Variants in EBF1 observed in about 807,000 individuals in gnomAD.
The protein encoded by EBF1 is transcription factor COE1.
In EBF1, 10 loss-of-function variants were observed where a neutral mutation model predicts 68.4. That is an observed-to-expected ratio of 0.15 (90% CI 0.09 to 0.25). EBF1 has a LOEUF of 0.25. EBF1 is among the 10% of genes least tolerant of loss of function. The probability of loss-of-function intolerance (pLI) is 1.00; values close to 1 mark genes in which losing one functional copy is unlikely to be tolerated. For missense variants in EBF1, 509 were observed against 794.4 expected (o/e 0.64, Z 4.32); for synonymous variants, 298 against 299.8 (o/e 0.99, Z 0.06).
At chr5:158,704,529 A>G (rs1757449683) in intron 15 of EBF1, among the ~76,000 whole-genome samples, 1 of 152,220 alleles carries the variant, frequency 6.6e-6, no homozygotes, top group Non-Finnish European at 1.5e-5. Flanking sequence ...GTGGGTCCCA[A>G]TGAAGTAGGT....
chr5:158,785,769 C>T (rs190957411), intron 9 of EBF1, among the ~76,000 whole-genome samples: 6 of 152,228 alleles, frequency 3.9e-5, no homozygotes, highest in Admixed American at 3.9e-4. Context: ...AAATGGGGGA[C>T]TTAAAATCTA....
rs183087239 is a variant in EBF1, at chr5:158,902,897, C to A, written c.555-62787G>T. 1.3e-5 allele frequency among the ~76,000 whole-genome samples: 2 copies of A among 151,988 alleles called. 1 individual carries two copies. The highest frequency in any genetic ancestry group is 4.8e-5 in the African/African-American group (2 of 41,378). Reference sequence around the variant, plus strand: ...GACAGGAAAGGTTCTTTGACAGGTGCGGTTAGAGACTTTGCTGGGTAGAGC... The same window carrying A: ...GACAGGAAAGGTTCTTTGACAGGTGAGGTTAGAGACTTTGCTGGGTAGAGC... On this transcript the variant is annotated intron_variant, in intron 6 of 15. Transcript: ENST00000313708.
At chr5:158,699,262 C>T in intron 15 of EBF1, 120 bp from the exon 16 acceptor site, 5 of 966,276 alleles carry the variant, frequency 5.2e-6, no homozygotes, top group Non-Finnish European at 7.5e-6. Context: ...GACTATTAGC[C>T]ACAAATTTGC....
Position 158,921,210 on chromosome 5 carries a change from G to A in EBF1, c.555-81100C>T, listed in dbSNP as rs145472201. ...GAACCCAGCAAGGGTGATGAGCTTC[G>A]TTTCGCCTATGTTAGCCCTTAATCC... On this transcript the variant is annotated intron_variant, in intron 6 of 15. Transcript: ENST00000313708. Among the ~76,000 whole-genome samples the A allele has an allele frequency of 1.3e-4, 19 of 151,820 alleles. No individual in the cohort carries two copies. In the East Asian group the frequency reaches 1.5e-3, roughly 12 times the overall value.
At chr5:158,775,147 C>CT (rs1312573531) in intron 10 of EBF1, among the ~76,000 whole-genome samples, 1 of 151,916 alleles carries the variant, frequency 6.6e-6, no homozygotes, top group East Asian at 1.9e-4. Flanking sequence ...AAATCCAACA[C>CT]TTTTTTCTTA....
intron 6 of EBF1, among the ~76,000 whole-genome samples, chr5:158,944,301 G>C (rs1814169708): frequency 6.6e-6 from 1 of 152,002 alleles, no homozygotes; most frequent in Non-Finnish European, 1.5e-5. Flanking sequence ...TCCCAAGTAT[G>C]AGTGAGAACA....
chr5:158,789,420 T>C (rs1339175899), intron 9 of EBF1, among the ~76,000 whole-genome samples: 1 of 152,216 alleles, frequency 6.6e-6, no homozygotes, highest in African/African-American at 2.4e-5. Context: ...AGTGGAGCTG[T>C]ATCTCACATA....
chr5:158,966,977 G>A lies in EBF1; in HGVS notation c.554+106419C>T, dbSNP rs1583531065. 2.0e-5 allele frequency among the ~76,000 whole-genome samples: 3 copies of A among 152,268 alleles called. No homozygotes were observed. The South Asian group carries it at 6.2e-4, about 32-fold the overall frequency. ...AGTATATGATAAAGGAACATAATGG[G>A]ATGGTGCTGTTAATATGCTCAGGGT... On this transcript the variant is annotated intron_variant, in intron 6 of 15. Coordinates refer to ENST00000313708, the MANE Select transcript of EBF1 (RefSeq NM_024007.5).
At position 158,984,264 on chromosome 5, in the gene EBF1, C is replaced by A. The variant is rs531172845; in HGVS notation, c.554+89132G>T. ...TCTCACCTGATTTGAAAATTGATTT[C>A]TATGGTGCTGTTCATGATTAGTTCA... On this transcript the variant is annotated intron_variant, in intron 6 of 15. Coordinates refer to ENST00000313708, the MANE Select transcript of EBF1 (RefSeq NM_024007.5). Among the ~76,000 whole-genome samples, 88 of 152,260 alleles carry A rather than the reference C, an allele frequency of 5.8e-4. 1 individual carries two copies. The highest frequency in any genetic ancestry group is 5.8e-3 in the Admixed American group (88 of 15,290).
intron 4 of EBF1, among the ~76,000 whole-genome samples, chr5:159,093,590 C>G (rs1029386915): frequency 6.6e-6 from 1 of 152,012 alleles, no homozygotes; most frequent in African/African-American, 2.4e-5. Context: ...TGCAGTTTTT[C>G]TTAAGCTCTA....
chr5:158,823,418 G>T (rs1168096047), intron 7 of EBF1, 101 bp from the exon 8 acceptor site: 3 of 1,140,962 alleles, frequency 2.6e-6, no homozygotes, highest in African/African-American at 1.6e-5. Flanking sequence ...GAAGAAAATT[G>T]CATAGCTATT....
At chr5:158,894,981 A>G (rs1223649269) in intron 6 of EBF1, among the ~76,000 whole-genome samples, 3 of 152,228 alleles carry the variant, frequency 2.0e-5, no homozygotes, top group African/African-American at 7.2e-5. Flanking sequence ...ATTATGTAAC[A>G]ACCCATCAGT....
intron 6 of EBF1, among the ~76,000 whole-genome samples, chr5:158,943,175 A>C (rs1813850571): frequency 6.6e-6 from 1 of 152,170 alleles, no homozygotes; most frequent in African/African-American, 2.4e-5. Context: ...TCTGTCTTTC[A>C]GGAGGTCACA....
At chr5:158,985,771 C>T (rs1423374561) in intron 6 of EBF1, 1 of 152,230 alleles carries the variant, frequency 6.6e-6, no homozygotes, top group South Asian at 2.1e-4. Flanking sequence ...GCCATTAAAG[C>T]AGAGGCATCA....
intron 6 of EBF1, among the ~76,000 whole-genome samples, chr5:159,054,833 C>A (rs1405028947): frequency 6.6e-6 from 1 of 152,242 alleles, no homozygotes; most frequent in Non-Finnish European, 1.5e-5. Context: ...CCTCTGCCCA[C>A]AACCTTTTGG....
intron 4 of EBF1, among the ~76,000 whole-genome samples, chr5:159,088,535 T>G (rs1164984536): frequency 6.6e-6 from 1 of 152,172 alleles, no homozygotes; most frequent in Non-Finnish European, 1.5e-5. Flanking sequence ...TAAAGCTGGT[T>G]GGGGTTGGAT....
chr5:158,963,675 G>C (rs1283879340), intron 6 of EBF1, among the ~76,000 whole-genome samples: 2 of 152,116 alleles, frequency 1.3e-5, no homozygotes, highest in African/African-American at 4.8e-5. Context: ...AAAAAACAAA[G>C]ATATTAAATC....
chr5:158,703,163 T>C (rs1471548915), intron 15 of EBF1, among the ~76,000 whole-genome samples: 2 of 152,054 alleles, frequency 1.3e-5, no homozygotes, highest in Non-Finnish European at 1.5e-5. Context: ...CAGCATAAGC[T>C]TCAGGAGAAA....
intron 6 of EBF1, among the ~76,000 whole-genome samples, chr5:158,972,548 G>A (rs978560883): frequency 8.5e-5 from 13 of 152,186 alleles, no homozygotes; most frequent in African/African-American, 3.1e-4. Flanking sequence ...CTCAGGAAAT[G>A]TCAGATGACC....
Sources: gnomAD v4.1 joint callset for allele counts (sites outside exome capture counted in the v4.1 genomes callset) on GRCh38, gnomAD v4.1.1 for gene constraint, MANE v1.5 for transcripts, NCBI Gene and HGNC (gene_info 2026-07-23, HGNC 2026-07-21) for gene names.